NEXMIF: variants seen among roughly 807,000 people sequenced by gnomAD.
NEXMIF encodes neurite extension and migration factor.
Under a neutral mutation model 62.1 loss-of-function variants are expected in NEXMIF, and 8 were observed. The ratio of observed to expected loss-of-function variants is 0.13; its 90% CI spans 0.08 to 0.23. NEXMIF has a LOEUF of 0.23. Among genes scored for constraint, NEXMIF ranks in the 10% least tolerant of loss-of-function variants. The pLI, the probability that NEXMIF is intolerant of heterozygous loss-of-function variation, is 1.00. For missense variants in NEXMIF, 976 were observed against 1,113.3 expected (o/e 0.88, Z 1.75); for synonymous variants, 404 against 416.6 (o/e 0.97, Z 0.37).
chrX:74,908,329 A>G (rs1365987797), intron 1 of NEXMIF, among the ~76,000 whole-genome samples: 2 of 112,106 alleles, frequency 1.8e-5, no homozygotes, highest in Non-Finnish European at 1.9e-5. Context: ...ATAAACTATA[A>G]ACTGAATTTT....
At chrX:74,794,705 A>T (rs2080299980) in intron 1 of NEXMIF, among the ~76,000 whole-genome samples, 1 of 111,454 alleles carries the variant, frequency 9.0e-6, no homozygotes, top group South Asian at 3.8e-4. Context: ...CCCGTCGGAA[A>T]AGCGCCATAT....
chrX:74,878,178 CCTTT>C (rs771482428), intron 1 of NEXMIF, among the ~76,000 whole-genome samples: 332 of 111,348 alleles, frequency 3.0e-3, no homozygotes, highest in Non-Finnish European at 5.1e-3. Flanking sequence ...GTGTGGATGT[CCTTT>C]CTGTTTGTTA....
intron 1 of NEXMIF, among the ~76,000 whole-genome samples, chrX:74,885,866 T>C (rs1225790172): frequency 2.7e-5 from 3 of 111,832 alleles, no homozygotes; most frequent in Admixed American, 9.5e-5. Context: ...TTTAGACCAA[T>C]ATCCTTGATG....
At chrX:74,823,737 T>TAGAC (rs1384217499) in intron 1 of NEXMIF, among the ~76,000 whole-genome samples, 17 of 105,399 alleles carry the variant, frequency 1.6e-4, no homozygotes, top group Non-Finnish European at 3.1e-4. Context: ...GATAGATAGA[T>TAGAC]AGGGCAAAAT....
intron 1 of NEXMIF, among the ~76,000 whole-genome samples, chrX:74,836,093 G>A (rs1003799896): frequency 4.1e-4 from 46 of 112,534 alleles, no homozygotes; most frequent in African/African-American, 1.4e-3. Flanking sequence ...GGAGGAGGGC[G>A]GGCTTCTGCC....
intron 1 of NEXMIF, among the ~76,000 whole-genome samples, chrX:74,896,886 C>T (rs1440959638): frequency 8.9e-6 from 1 of 112,041 alleles, no homozygotes; most frequent in Non-Finnish European, 1.9e-5. Flanking sequence ...ATATCCGCAG[C>T]AAGCAAGGAC....
chrX:74,765,527 C>G (rs2080192084), intron 1 of NEXMIF, among the ~76,000 whole-genome samples: 1 of 111,857 alleles, frequency 8.9e-6, no homozygotes, highest in African/African-American at 3.3e-5. Flanking sequence ...TGTCATTGGA[C>G]AGTGTACTTA....
chrX:74,885,134 C>T (rs1387330242), intron 1 of NEXMIF, among the ~76,000 whole-genome samples: 1 of 110,348 alleles, frequency 9.1e-6, no homozygotes, highest in African/African-American at 3.3e-5. Context: ...ATCTCTGGGA[C>T]ACATTCAAAG....
chrX:74,846,919 C>G (rs182632994), intron 1 of NEXMIF, among the ~76,000 whole-genome samples: 3 of 111,859 alleles, frequency 2.7e-5, no homozygotes, highest in Non-Finnish European at 3.8e-5. Flanking sequence ...GGGGATGGAA[C>G]TAGAATATTC....
intron 1 of NEXMIF, among the ~76,000 whole-genome samples, chrX:74,781,822 T>C (rs1419022878): frequency 1.8e-5 from 2 of 110,212 alleles, no homozygotes; most frequent in African/African-American, 6.6e-5. Flanking sequence ...ATGTGAAATG[T>C]ATGTGAAAGC....
Position 74,739,556 on chromosome X carries a change from A to G in NEXMIF, c.4458-58T>C. On this transcript the variant is annotated intron_variant, in intron 3 of 3. Coordinates refer to ENST00000055682, the MANE Select transcript of NEXMIF (RefSeq NM_001008537.3). Reference sequence around the variant, plus strand: ...AGTTAGTTTTAGTGTATGTCCCACAAAGGGATCATACAAGCTAAATTTGTT... The same window carrying G: ...AGTTAGTTTTAGTGTATGTCCCACAGAGGGATCATACAAGCTAAATTTGTT... 3 of 729,008 alleles carry G rather than the reference A, an allele frequency of 4.1e-6. No homozygotes were observed. In the South Asian group the frequency reaches 7.6e-5, roughly 18 times the overall value. 60.1% of individuals were successfully genotyped at this position (729,008 alleles called of 1,213,427 possible). A position where few individuals can be genotyped will look rare whatever the true frequency, so the allele number is the denominator to read the frequency against.
chrX:74,744,930 C>CCTCTCTCTCTCTCTCTCT (rs749595584), intron 2 of NEXMIF, among the ~76,000 whole-genome samples: 7 of 86,571 alleles, frequency 8.1e-5, no homozygotes, highest in Non-Finnish European at 1.5e-4. Context: ...TTCTCTCTCT[C>CCTCTCTCTCTCTCTCTCT]CTCTCTCTCT....
intron 1 of NEXMIF, among the ~76,000 whole-genome samples, chrX:74,746,539 A>G (rs1194535878): frequency 9.0e-6 from 1 of 111,484 alleles, no homozygotes; most frequent in Admixed American, 9.6e-5. Flanking sequence ...CTTCTCCCCA[A>G]CTGAGTATCT....
chrX:74,808,698 G>T (rs776242492), intron 1 of NEXMIF, among the ~76,000 whole-genome samples: 31 of 111,471 alleles, frequency 2.8e-4, no homozygotes, highest in Non-Finnish European at 5.5e-4. Context: ...GTCTGGGCCT[G>T]GTGCTTTCTG....
At chrX:74,810,635 CAA>C (rs55839741) in intron 1 of NEXMIF, among the ~76,000 whole-genome samples, 4 of 72,825 alleles carry the variant, frequency 5.5e-5, no homozygotes, top group East Asian at 6.2e-4. Context: ...CCTCCCTCTA[CAA>C]AAAAAAAAAA....
chrX:74,867,869 T>C (rs2080585969), intron 1 of NEXMIF, among the ~76,000 whole-genome samples: 1 of 111,884 alleles, frequency 8.9e-6, no homozygotes, highest in African/African-American at 3.2e-5. Context: ...GGGAGAAATT[T>C]TTTGCAATCT....
At position 74,743,213 on chromosome X, in the gene NEXMIF, G is replaced by A. The variant is rs1602212351; in HGVS notation, c.1344C>T (p.Ile448=). ...TGATCTCACCCATAGCATCATATGA[G>A]ATCTCAATGAAGGAACTATCATCAC... The part of the protein sequence containing the change: ...SFSDDSSFIE[I]SYDAMGEIKD... Residue 448 remains isoleucine, a synonymous_variant, in exon 3 of 4, where the codon ATC becomes ATT. Transcript: ENST00000055682. The A allele has an allele frequency of 1.7e-6, 2 of 1,211,040 alleles. No homozygotes were observed. The highest frequency in any genetic ancestry group is 2.2e-6 in the Non-Finnish European group (2 of 895,125).
At chrX:74,770,736 A>G (rs947634857) in intron 1 of NEXMIF, among the ~76,000 whole-genome samples, 2 of 112,162 alleles carry the variant, frequency 1.8e-5, no homozygotes, top group Non-Finnish European at 3.8e-5. Flanking sequence ...TATCAGTCAT[A>G]GCCCAATGGG....
At chrX:74,789,900 G>A (rs1390094347) in intron 1 of NEXMIF, among the ~76,000 whole-genome samples, 13 of 106,805 alleles carry the variant, frequency 1.2e-4, no homozygotes, top group Admixed American at 3.0e-4. Context: ...AGTAGGTTGC[G>A]AAAATTTTCT....
Sources: gnomAD v4.1 joint callset for allele counts (sites outside exome capture counted in the v4.1 genomes callset) on GRCh38, gnomAD v4.1.1 for gene constraint, MANE v1.5 for transcripts, NCBI Gene and HGNC (gene_info 2026-07-23, HGNC 2026-07-21) for gene names.